Variants in RPL14 observed in about 807,000 individuals in gnomAD.
RPL14 encodes the protein large ribosomal subunit protein eL14.
In RPL14, 4 loss-of-function variants were observed where a neutral mutation model predicts 25.3. The observed-to-expected ratio is 0.16, with a 90% CI of 0.08 to 0.36. The LOEUF (loss-of-function observed/expected upper bound fraction) is 0.36, where lower values mean the gene tolerates loss of function less well. RPL14 is among the 10% of genes least tolerant of loss of function. The pLI is 1.00. For synonymous variants in RPL14, 75 were observed against 89.8 expected (o/e 0.84, Z 0.93); for missense variants, 212 against 261.9 (o/e 0.81, Z 1.31).
At chr3:40,458,850 G>T in intron 3 of RPL14, 114 bp downstream of exon 3, 1 of 782,804 alleles carries the variant, frequency 1.3e-6, no homozygotes. Context: ...AGAGGGATTT[G>T]CATCATAGAA....
chr3:40,457,564 G>C, intron 1 of RPL14, 90 bp downstream of exon 1: 1 of 1,110,038 alleles, frequency 9.0e-7, no homozygotes, highest in Non-Finnish European at 1.3e-6. Flanking sequence ...GCGCGTGGAG[G>C]GCCCGGCAGG....
intron 3 of RPL14, 75 bp downstream of exon 3, chr3:40,458,811 AC>A: frequency 8.9e-7 from 1 of 1,127,216 alleles, no homozygotes; most frequent in South Asian, 1.3e-5. Context: ...TTTGGAGTAA[AC>A]AATACGGAAG....
At chr3:40,460,574 T>TTA (rs1244802998) in intron 3 of RPL14, among the ~76,000 whole-genome samples, 3 of 150,988 alleles carry the variant, frequency 2.0e-5, no homozygotes, top group Non-Finnish European at 4.4e-5. Context: ...CCGAGTGGAA[T>TTA]TATATATAGT....
rs755042642 is a variant in RPL14 at position 40,464,858 on chromosome 3, TTATC to T, written c.*2629_*2632del. On this transcript the variant is annotated 3_prime_UTR_variant, in exon 6 of 6. Coordinates refer to ENST00000396203, the MANE Select transcript of RPL14 (RefSeq NM_001034996.3). Reference sequence around the variant, plus strand: ...GAGGGAACATGAGGCAGGGTAAAGTTTATCTAGGTAAAATGAGTTAGTTTTCATG... The same window carrying T: ...GAGGGAACATGAGGCAGGGTAAAGTTTAGGTAAAATGAGTTAGTTTTCATG... 4.5e-5 allele frequency: 9 copies of T among 201,794 alleles called. No individual in the cohort carries two copies. Among genetic ancestry groups the T allele is most frequent in the South Asian group, 9.0e-5 (1 of 11,094 alleles). 12.5% of individuals were successfully genotyped at this position (201,794 alleles called of 1,614,324 possible).
At chr3:40,459,732 A>G (rs965956102) in intron 3 of RPL14, among the ~76,000 whole-genome samples, 2 of 151,812 alleles carry the variant, frequency 1.3e-5, no homozygotes, top group African/African-American at 4.8e-5. Flanking sequence ...GGTGGCGGAC[A>G]CCTGTAGTCC....
chr3:40,459,028 A>T (rs996758075), intron 3 of RPL14: 12 of 326,984 alleles, frequency 3.7e-5, no homozygotes, highest in African/African-American at 2.6e-4. Flanking sequence ...AATAAAAAAA[A>T]AATTCGTTGG....
rs1206646003 is a variant in RPL14, at chr3:40,461,494, A to G, written c.288A>G (p.Glu96=). 1 of 1,614,092 alleles carries G rather than the reference A, an allele frequency of 6.2e-7. No homozygotes were observed. The highest frequency in any genetic ancestry group is 8.5e-7 in the Non-Finnish European group (1 of 1,179,972). ...CCACACGATGGGCCAAGAAGATTGA[A>G]GCCAGAGAAAGGGTAATAACTTAGG... The part of the protein sequence containing the change: ...WAATRWAKKI[E]ARERKAKMTD... Residue 96 remains glutamate, a synonymous_variant, in exon 4 of 6, where the codon GAA becomes GAG. Coordinates refer to ENST00000396203, the MANE Select transcript of RPL14 (RefSeq NM_001034996.3).
In RPL14 at chr3:40,462,004, C is replaced by T; in HGVS notation, c.420C>T (p.Pro140=). ...AGGCAGCTCTCCTGAAAGCTTCTCC[C>T]AAAAAAGCACCTGGTACTAAGGGTA... The part of the protein sequence containing the change: ...LQKAALLKAS[P]KKAPGTKGTA... Residue 140 remains proline, a synonymous_variant, in exon 6 of 6, where the codon CCC becomes CCT. Transcript: ENST00000396203. 2 of 1,434,238 alleles carry T rather than the reference C, an allele frequency of 1.4e-6. No individual in the cohort carries two copies. Among genetic ancestry groups the T allele is most frequent in the South Asian group, 2.7e-5 (2 of 73,694 alleles). 88.8% of individuals were successfully genotyped at this position (1,434,238 alleles called of 1,614,324 possible). A position where few individuals can be genotyped will look rare whatever the true frequency, so the allele number is the denominator to read the frequency against.
At chr3:40,457,717 A>T (rs1696866188) in intron 1 of RPL14, 173 bp from the exon 2 acceptor site, 2 of 685,852 alleles carry the variant, frequency 2.9e-6, no homozygotes, top group Non-Finnish European at 5.0e-6. Context: ...GGCTTAAGCT[A>T]CTGAGGCGTT....
rs1697004751 is a variant in RPL14, at chr3:40,464,834, A to G, written c.*2602A>G. ...TTGTACCTCTGGTTCATTGGTTGTG[A>G]GGGAACATGAGGCAGGGTAAAGTTT... On this transcript the variant is annotated 3_prime_UTR_variant, in exon 6 of 6. Coordinates refer to ENST00000396203, the MANE Select transcript of RPL14 (RefSeq NM_001034996.3). 1 of 211,534 alleles carries G rather than the reference A, an allele frequency of 4.7e-6. No homozygotes were observed. Among genetic ancestry groups the G allele is most frequent in the Non-Finnish European group, 9.9e-6 (1 of 101,306 alleles). 13.1% of individuals were successfully genotyped at this position (211,534 alleles called of 1,614,324 possible). A position where few individuals can be genotyped will look rare whatever the true frequency, so the allele number is the denominator to read the frequency against.
At chr3:40,457,503 G>A (rs1207409894) in intron 1 of RPL14, 29 bp downstream of exon 1, 2 of 1,507,072 alleles carry the variant, frequency 1.3e-6, no homozygotes, top group Non-Finnish European at 1.8e-6. Context: ...GCTGTGCAGC[G>A]GAATCGGGCC....
Position 40,457,945 on chromosome 3 carries a change from A to G in RPL14, c.59A>G (p.His20Arg), listed in dbSNP as rs373097776. The G allele has an allele frequency of 3.7e-6, 6 of 1,614,202 alleles. No individual in the cohort carries two copies. The highest frequency in any genetic ancestry group is 1.3e-5 in the African/African-American group (1 of 75,052). The stretch of plus-strand genomic sequence containing the variant: ...GTGGCCTATGTCTCCTTTGGACCTC[A>G]TGCCGGAAAATTGGTCGCGATTGTA... ...GRVAYVSFGP[H>R]AGKLVAIVDV... Residue 20 changes from histidine to arginine, a missense_variant, in exon 2 of 6, where the codon CAT (histidine) becomes CGT (arginine). This residue lies in a region of RPL14 where 143 missense variants were observed against 180.3 expected (regional missense o/e 0.79). Transcript: ENST00000396203.
rs952435910 is a variant in RPL14, at chr3:40,463,195, C to A, written c.*963C>A. 3 of 151,338 alleles carry A rather than the reference C, an allele frequency of 2.0e-5. No homozygotes were observed. The highest frequency in any genetic ancestry group is 7.3e-5 in the African/African-American group (3 of 41,068). 9.4% of individuals were successfully genotyped at this position (151,338 alleles called of 1,614,324 possible). On this transcript the variant is annotated 3_prime_UTR_variant, in exon 6 of 6. Transcript: ENST00000396203. ...AGAGCGGGGGATTATAGGCATGGGC[C>A]ACTGCACTTGGCCTTTTTTTGTTTT...
At chr3:40,457,545 C>A (rs1046945531) in intron 1 of RPL14, 71 bp downstream of exon 1, 5 of 1,297,476 alleles carry the variant, frequency 3.9e-6, no homozygotes, top group African/African-American at 3.0e-5. Flanking sequence ...CCGGACTCGC[C>A]GCTGGCGAGC....
intron 3 of RPL14, among the ~76,000 whole-genome samples, chr3:40,460,961 C>T (rs1167695739): frequency 6.6e-6 from 1 of 152,014 alleles, no homozygotes; most frequent in Admixed American, 6.5e-5. Flanking sequence ...CTTCAGGAGG[C>T]CAAGGTGGAG....
rs1160281419 is a variant in RPL14 at position 40,463,487 on chromosome 3, T to A, written c.*1255T>A. ...TCCCAAAGTGCTGGAATTACAGGTG[T>A]GAGCCACTGTGCCCGGCCTGCAAAT... On this transcript the variant is annotated 3_prime_UTR_variant, in exon 6 of 6. Coordinates refer to ENST00000396203, the MANE Select transcript of RPL14 (RefSeq NM_001034996.3). 1 of 152,214 alleles carries A rather than the reference T, an allele frequency of 6.6e-6. No individual in the cohort carries two copies. The highest frequency in any genetic ancestry group is 1.5e-5 in the Non-Finnish European group (1 of 68,052). The allele number at this position is 152,214 out of a possible 1,614,324, so 9.4% of individuals were successfully genotyped here.
intron 3 of RPL14, chr3:40,459,106 T>C (rs1575250365): frequency 8.8e-6 from 2 of 227,872 alleles, no homozygotes; most frequent in East Asian, 1.2e-4. Flanking sequence ...GAGGATCGTT[T>C]TAGCGAGGTC....
rs573131611 is a variant in RPL14, at chr3:40,457,557, C to G, written c.3+83C>G. 6.3e-3 allele frequency: 7,628 copies of G among 1,207,382 alleles called. 32 individuals are homozygous for G. Among genetic ancestry groups the G allele is most frequent in the Non-Finnish European group, 8.3e-3 (7,000 of 844,962 alleles). 74.8% of individuals were successfully genotyped at this position (1,207,382 alleles called of 1,614,324 possible). A position where few individuals can be genotyped will look rare whatever the true frequency, so the allele number is the denominator to read the frequency against. ...TTCCCGGACTCGCCGCTGGCGAGCG[C>G]GTGGAGGGCCCGGCAGGCCTGGCGC... On this transcript the variant is annotated intron_variant, in intron 1 of 5. Transcript: ENST00000396203.
chr3:40,461,032 C>CA (rs1400920357), intron 3 of RPL14, among the ~76,000 whole-genome samples: 1 of 151,926 alleles, frequency 6.6e-6, no homozygotes, highest in African/African-American at 2.4e-5. Flanking sequence ...CCTGTCTCTA[C>CA]AAAAAATATA....
Sources: gnomAD v4.1 joint callset for allele counts (sites outside exome capture counted in the v4.1 genomes callset) on GRCh38, gnomAD v4.1.1 for gene constraint, gnomAD v4.1.1 regional missense constraint, MANE v1.5 for transcripts, NCBI Gene and HGNC (gene_info 2026-07-23, HGNC 2026-07-21) for gene names.